The following ASCC2 variants were observed in gnomAD, a reference collection of about 807,000 sequenced individuals.
ASCC2 encodes the protein ASC-1 complex subunit P100.
Under a neutral mutation model 93.5 loss-of-function variants are expected in ASCC2, and 42 were observed. That is an observed-to-expected ratio of 0.45 (90% confidence interval 0.35 to 0.58). ASCC2 has a LOEUF of 0.58. Ranked by LOEUF, ASCC2 falls within the 20% of genes least tolerant of loss-of-function variation. The pLI, the probability that ASCC2 is intolerant of heterozygous loss-of-function variation, is 0.00. For synonymous variants in ASCC2, 364 were observed against 384.2 expected (o/e 0.95, Z 0.62); for missense variants, 859 against 977.6 (o/e 0.88, Z 1.62).
At chr22:29,808,219 A>G in intron 8 of ASCC2, 34 bp from the exon 9 acceptor site, 1 of 1,602,300 alleles carries the variant, frequency 6.2e-7, no homozygotes, top group South Asian at 1.1e-5. Context: ...ATGTTGGATT[A>G]GTTCATAAAT....
intron 8 of ASCC2, among the ~76,000 whole-genome samples, chr22:29,812,912 T>G (rs975060739): frequency 1.3e-5 from 2 of 151,802 alleles, no homozygotes; most frequent in Admixed American, 1.3e-4. Flanking sequence ...GATGGAGTCT[T>G]GCTCTGTCAC....
intron 5 of ASCC2, among the ~76,000 whole-genome samples, chr22:29,816,394 C>G (rs941512349): frequency 1.3e-5 from 2 of 152,206 alleles, no homozygotes; most frequent in African/African-American, 2.4e-5. Flanking sequence ...AGTGATCACA[C>G]TTGGGTACCC....
chr22:29,813,488 A>G lies in ASCC2; in HGVS notation c.775T>C (p.Phe259Leu). Residue 259 changes from phenylalanine to leucine, a missense_variant, in exon 8 of 20, where the codon TTT (phenylalanine) becomes CTT (leucine). Transcript: ENST00000307790. ...LCDTCTTLWA[F>L]LDIFPLACQT... is the part of the protein sequence containing the mutation. ...CAAGCCAAAGGGAAGATATCCAGAAAGGCCCAAAGTGTGGTGCAGGTATCA... is the reference window on the plus strand; with the variant it reads ...CAAGCCAAAGGGAAGATATCCAGAAGGGCCCAAAGTGTGGTGCAGGTATCA... The G allele has an allele frequency of 1.2e-6, 2 of 1,614,244 alleles. No individual in the cohort carries two copies. Among genetic ancestry groups the G allele is most frequent in the Non-Finnish European group, 1.7e-6 (2 of 1,180,034 alleles).
chr22:29,821,838 A>C, intron 5 of ASCC2: 2 of 346,316 alleles, frequency 5.8e-6, no homozygotes, highest in South Asian at 4.1e-5. Flanking sequence ...ACTAAAAAAA[A>C]TTTTTTTTTA....
rs575814174 is a variant in ASCC2, at chr22:29,800,158, T to G, written c.1688+833A>C. 7.9e-5 allele frequency among the ~76,000 whole-genome samples: 12 copies of G among 152,326 alleles called. No individual in the cohort carries two copies. In the East Asian group the frequency reaches 2.3e-3, roughly 29 times the overall value. ...ACCCTTTGCTGTGCTCACTATGGCC[T>G]CGGGACCACTGTCCCTGTTGCTCTG... On this transcript the variant is annotated intron_variant, in intron 15 of 19. Coordinates refer to ENST00000307790, the MANE Select transcript of ASCC2 (RefSeq NM_032204.5).
chr22:29,802,030 G>A lies in ASCC2; in HGVS notation c.1532C>T (p.Ala511Val), dbSNP rs868311665. The A allele has an allele frequency of 1.7e-5, 27 of 1,603,602 alleles. No individual in the cohort carries two copies. The Middle Eastern group carries it at 2.9e-3, about 170-fold the overall frequency. Residue 511 changes from alanine (A) to valine (V), a missense_variant, in exon 14 of 20, where the codon GCC becomes GTC. Ala to Val is a moderately conservative substitution (Grantham distance 64). Coordinates refer to ENST00000307790, the MANE Select transcript of ASCC2 (RefSeq NM_032204.5). Reference protein sequence around the residue: ...VINNILEERLAPTLSQLDRNL... With the variant: ...VINNILEERLVPTLSQLDRNL... ...GCGGTCCAGCTGGCTGAGGGTGGGG[G>A]CCAGCCGCTCCTCCAGGATATTGTT...
rs771833479 is a variant in ASCC2, at chr22:29,825,246, G to A, written c.252C>T (p.Asp84=). 17 of 1,516,946 alleles carry A rather than the reference G, an allele frequency of 1.1e-5. No individual in the cohort carries two copies. The East Asian group carries it at 1.9e-4, about 17-fold the overall frequency. The allele number at this position is 1,516,946 out of a possible 1,614,324, so 94.0% of individuals were successfully genotyped here. A position where few individuals can be genotyped will look rare whatever the true frequency, so the allele number is the denominator to read the frequency against. The change falls in exon 4 of 20, where the codon GAC becomes GAT. Residue 84 remains aspartate, a synonymous_variant. Transcript: ENST00000307790. This position sits in a 1 kb window ranked among gnomAD's most constrained non-coding sequence, Gnocchi z 4.9. ...AGTCCAGGCACTTCTGTAGAGTCTC[G>A]TCAAAGATCACCTAAACCAGGAGAC... ...HDKFWCQVIF[D]ETLQKCLDSY... is the part of the protein sequence containing the mutation.
chr22:29,803,205 C>T (rs1330613120), intron 13 of ASCC2, among the ~76,000 whole-genome samples: 6 of 150,410 alleles, frequency 4.0e-5, no homozygotes, highest in African/African-American at 7.4e-5. Flanking sequence ...AAGCAGAGAT[C>T]GCACTATTGC....
intron 15 of ASCC2, among the ~76,000 whole-genome samples, chr22:29,798,164 T>C (rs980980821): frequency 6.6e-6 from 1 of 152,188 alleles, no homozygotes; most frequent in African/African-American, 2.4e-5. Flanking sequence ...TCACTGGCTA[T>C]GATATACCTG....
chr22:29,832,782 C>T (rs989585772), intron 1 of ASCC2, among the ~76,000 whole-genome samples: 1 of 151,556 alleles, frequency 6.6e-6, no homozygotes, highest in Non-Finnish European at 1.5e-5. Context: ...GAGTCTTACT[C>T]TGTTGTCCAG....
chr22:29,813,874 G>A (rs947069810), intron 7 of ASCC2, among the ~76,000 whole-genome samples: 21 of 152,218 alleles, frequency 1.4e-4, no homozygotes, highest in Admixed American at 2.6e-4. Flanking sequence ...ATCATGCAAA[G>A]AAGGAACATC....
intron 8 of ASCC2, among the ~76,000 whole-genome samples, chr22:29,809,121 CAAA>C (rs1316093434): frequency 2.4e-5 from 1 of 40,996 alleles, no homozygotes; most frequent in Non-Finnish European, 5.6e-5. Context: ...GACTCTGTCT[CAAA>C]AAAAAAAAAA....
chr22:29,824,251 TACACACACACACACAC>T (rs60849755), intron 4 of ASCC2, among the ~76,000 whole-genome samples: 3 of 146,456 alleles, frequency 2.0e-5, no homozygotes, highest in East Asian at 2.0e-4. Context: ...ATTTTTTAAA[TACACACACACACACAC>T]ACACACACAC....
chr22:29,790,954 C>T (rs925843341), intron 18 of ASCC2, among the ~76,000 whole-genome samples: 13 of 152,202 alleles, frequency 8.5e-5, no homozygotes, highest in African/African-American at 2.9e-4. Context: ...GCCTAGGCCT[C>T]ACTGTGGCAC....
chr22:29,827,795 C>A (rs1208981057), intron 2 of ASCC2, among the ~76,000 whole-genome samples: 6 of 88,080 alleles, frequency 6.8e-5, no homozygotes, highest in African/African-American at 2.3e-4. Context: ...CACACACAAC[C>A]AGGCTACTCA....
chr22:29,798,130 C>T (rs2058655979), intron 15 of ASCC2, among the ~76,000 whole-genome samples: 1 of 152,150 alleles, frequency 6.6e-6, no homozygotes, highest in Non-Finnish European at 1.5e-5. Context: ...ATTAGGGGAC[C>T]CTGCCTCTTG....
At chr22:29,832,014 G>T (rs1030531993) in intron 2 of ASCC2, among the ~76,000 whole-genome samples, 1 of 152,046 alleles carries the variant, frequency 6.6e-6, no homozygotes, top group Non-Finnish European at 1.5e-5. Flanking sequence ...TAAATGCTTT[G>T]GGGGGAAGGT....
In ASCC2 at chr22:29,829,593, G is replaced by A. The variant is rs184642398; in HGVS notation, c.81+2652C>T. ...AAAATTAGCTGGTCCCAGCTACTCA[G>A]GAGGCTGATGCAGAAGAATCACTTG... is the stretch of plus-strand genomic sequence containing the variant. On this transcript the variant is annotated intron_variant, in intron 2 of 19. Transcript: ENST00000307790. Among the ~76,000 whole-genome samples, 138 of 152,168 alleles carry A rather than the reference G, an allele frequency of 9.1e-4. 1 individual carries two copies. The highest frequency in any genetic ancestry group is 7.9e-4 in the Non-Finnish European group (54 of 67,992).
At chr22:29,815,078 T>G (rs1406221908) in intron 6 of ASCC2, 1 of 260,552 alleles carries the variant, frequency 3.8e-6, no homozygotes, top group African/African-American at 2.3e-5. Flanking sequence ...GGGGATCATT[T>G]GAGGCCGGAA....
Sources: allele counts gnomAD v4.1 joint callset (sites outside exome capture counted in the v4.1 genomes callset), GRCh38; gene constraint gnomAD v4.1.1; non-coding constraint Gnocchi (gnomAD v3.1); transcripts MANE v1.5; gene names NCBI Gene and HGNC (gene_info 2026-07-23, HGNC 2026-07-21).